The following CNTN4 variants were observed in gnomAD, a reference collection of about 807,000 sequenced individuals.
CNTN4 encodes contactin 4, also known as contactin-4.
Under a neutral mutation model 122.5 loss-of-function variants are expected in CNTN4, and 77 were observed. That is an observed-to-expected ratio of 0.63 (90% CI 0.52 to 0.76). The LOEUF (loss-of-function observed/expected upper bound fraction) is 0.76. Among genes scored for constraint, CNTN4 ranks in the 30% least tolerant of loss-of-function variants. The pLI is 0.00. For synonymous variants in CNTN4, 512 were observed against 447.0 expected (o/e 1.15, Z -1.83); for missense variants, 1,256 against 1,259.1 (o/e 1.00, Z 0.04).
chr3:2,677,730 G>A (rs1336282315), intron 4 of CNTN4, among the ~76,000 whole-genome samples: 1 of 151,934 alleles, frequency 6.6e-6, no homozygotes, highest in Non-Finnish European at 1.5e-5. Flanking sequence ...TAGTCAATGA[G>A]AAGTCAAAGT....
At chr3:2,729,282 T>G (rs1296461529) in intron 4 of CNTN4, among the ~76,000 whole-genome samples, 3 of 152,030 alleles carry the variant, frequency 2.0e-5, no homozygotes, top group Admixed American at 6.5e-5. Context: ...GAAATGAAAG[T>G]GGCCGGGCGC....
At chr3:2,609,806 T>G (rs939807150) in intron 4 of CNTN4, among the ~76,000 whole-genome samples, 2 of 152,204 alleles carry the variant, frequency 1.3e-5, no homozygotes, top group Non-Finnish European at 2.9e-5. Context: ...TTTATAATTT[T>G]CAAATAAATT....
chr3:2,145,733 A>C (rs2035213824), intron 2 of CNTN4, among the ~76,000 whole-genome samples: 1 of 152,212 alleles, frequency 6.6e-6, no homozygotes, highest in Admixed American at 6.5e-5. Flanking sequence ...TATTTGTTGA[A>C]CATTTTCTAA....
At chr3:2,563,398 TCAAG>T (rs1486684760) in intron 3 of CNTN4, among the ~76,000 whole-genome samples, 8 of 152,216 alleles carry the variant, frequency 5.3e-5, no homozygotes, top group Admixed American at 1.3e-4. Context: ...TTGTTTACCT[TCAAG>T]GTTTTTTTAA....
At chr3:2,944,144 A>G (rs1031956733) in intron 13 of CNTN4, among the ~76,000 whole-genome samples, 1 of 151,382 alleles carries the variant, frequency 6.6e-6, no homozygotes, top group Non-Finnish European at 1.5e-5. Flanking sequence ...GAAAAAATGA[A>G]TTTTTGGGGG....
chr3:2,323,618 A>G (rs565862744), intron 2 of CNTN4, among the ~76,000 whole-genome samples: 1 of 152,288 alleles, frequency 6.6e-6, no homozygotes, highest in East Asian at 1.9e-4. Context: ...CTAAACAAAT[A>G]TCCACCATTA....
intron 3 of CNTN4, chr3:2,362,462 A>G: frequency 4.5e-6 from 2 of 443,114 alleles, no homozygotes; most frequent in South Asian, 3.5e-5. Flanking sequence ...TACATCCTAT[A>G]TGAGGACTAG....
At chr3:2,895,900 G>A (rs188317910) in intron 10 of CNTN4, among the ~76,000 whole-genome samples, 1 of 152,112 alleles carries the variant, frequency 6.6e-6, no homozygotes, top group Non-Finnish European at 1.5e-5. Flanking sequence ...GAGCGTGGTG[G>A]CGGGCGCCTG....
At chr3:2,102,238 G>A (rs1048454558) in intron 2 of CNTN4, among the ~76,000 whole-genome samples, 1 of 152,172 alleles carries the variant, frequency 6.6e-6, no homozygotes, top group East Asian at 1.9e-4. Flanking sequence ...GTGGAGGCTG[G>A]AAAGTTCATA....
In CNTN4 at chr3:2,866,914, T is replaced by TG. The variant is rs1291277488; in HGVS notation, c.621dup (p.Pro208AlafsTer10). On this transcript the variant is annotated frameshift_variant, in exon 8 of 25. Coordinates refer to ENST00000418658, the MANE Select transcript of CNTN4 (RefSeq NM_175607.3). LOFTEE classifies it high-confidence loss of function. ...AATACCGTGACAAACCACAAGGTCC[T>TG]GGGGCCACCTACACCACTAATATTG... The TG allele has an allele frequency of 6.2e-7, 1 of 1,613,948 alleles. No individual in the cohort carries two copies. Among genetic ancestry groups the TG allele is most frequent in the Non-Finnish European group, 8.5e-7 (1 of 1,179,930 alleles).
In CNTN4 at chr3:2,115,769, T is replaced by C. The variant is rs2033307371; in HGVS notation, c.-145+15130T>C. On this transcript the variant is annotated intron_variant, in intron 2 of 24. Coordinates refer to ENST00000418658, the MANE Select transcript of CNTN4 (RefSeq NM_175607.3). ...CCATGTTATTTCTTTTAAAAGCTTG[T>C]GCCTTCTCTGAATAATTCATATTGT... is the stretch of plus-strand genomic sequence containing the variant. Among the ~76,000 whole-genome samples the C allele has an allele frequency of 3.3e-5, 5 of 152,258 alleles. No homozygotes were observed. The South Asian group carries it at 1.0e-3, about 31-fold the overall frequency.
chr3:2,890,116 G>T (rs2094022045), intron 10 of CNTN4, among the ~76,000 whole-genome samples: 1 of 152,246 alleles, frequency 6.6e-6, no homozygotes, highest in Non-Finnish European at 1.5e-5. Flanking sequence ...TGTCAGATCA[G>T]TTGACTTCCA....
At position 2,988,365 on chromosome 3, in the gene CNTN4, G is replaced by A; in HGVS notation, c.1379G>A (p.Gly460Glu). Residue 460 changes from glycine (G) to glutamate (E), a missense_variant, in exon 14 of 25, where the codon GGA becomes GAA. Transcript: ENST00000418658. ...ENERITISED[G>E]NLRIINVTKS... is the part of the protein sequence containing the mutation. ...TTCAGAATTACCATTTCTGAAGATG[G>A]AAACCTCAGAATCATCAACGTTACT... 1.2e-6 allele frequency: 2 copies of A among 1,613,610 alleles called. No individual in the cohort carries two copies. The highest frequency in any genetic ancestry group is 1.7e-6 in the Non-Finnish European group (2 of 1,179,686).
At chr3:2,165,514 C>CT (rs34829115) in intron 2 of CNTN4, among the ~76,000 whole-genome samples, 4 of 152,080 alleles carry the variant, frequency 2.6e-5, no homozygotes, top group East Asian at 1.9e-4. Flanking sequence ...ACATAGTTAC[C>CT]TTTTTTTGTT....
chr3:2,481,147 C>A (rs1343834494), intron 3 of CNTN4, among the ~76,000 whole-genome samples: 1 of 141,946 alleles, frequency 7.0e-6, no homozygotes, highest in Non-Finnish European at 1.5e-5. Flanking sequence ...CTCTTTCTTT[C>A]TTTGTTTTTT....
At chr3:2,328,559 G>A (rs533554601) in intron 2 of CNTN4, among the ~76,000 whole-genome samples, 76 of 152,184 alleles carry the variant, frequency 5.0e-4, no homozygotes, top group African/African-American at 1.8e-3. Context: ...CATGAACATT[G>A]ATAGGAGTTA....
chr3:2,926,167 A>G lies in CNTN4; in HGVS notation c.1358+388A>G, dbSNP rs77977863. Among the ~76,000 whole-genome samples, 228 of 152,200 alleles carry G rather than the reference A, an allele frequency of 1.5e-3. 3 individuals carry two copies. Among genetic ancestry groups the G allele is most frequent in the Non-Finnish European group, 5.9e-5 (4 of 67,986 alleles). ...TATTTGCTATGACAACCCTTCAATT[A>G]TTTGGCAGTGGCTATTATGTCTCCT... On this transcript the variant is annotated intron_variant, in intron 13 of 24. Transcript: ENST00000418658.
chr3:2,145,795 T>G (rs560790200), intron 2 of CNTN4, among the ~76,000 whole-genome samples: 1 of 82,352 alleles, frequency 1.2e-5, no homozygotes, highest in African/African-American at 4.5e-5. Context: ...CTTATCTACC[T>G]TATGAAATAT....
chr3:3,008,016 T>C (rs912208175), intron 14 of CNTN4, among the ~76,000 whole-genome samples: 1 of 152,210 alleles, frequency 6.6e-6, no homozygotes, highest in African/African-American at 2.4e-5. Context: ...GTATCTGTGA[T>C]GTACTCCTCT....
Sources: gnomAD v4.1 joint callset for allele counts (sites outside exome capture counted in the v4.1 genomes callset) on GRCh38, gnomAD v4.1.1 for gene constraint, MANE v1.5 for transcripts, NCBI Gene and HGNC (gene_info 2026-07-23, HGNC 2026-07-21) for gene names.